The following LRP1B variants were observed in gnomAD, a reference collection of about 807,000 sequenced individuals.
LRP1B encodes LDL receptor related protein 1B.
LRP1B carries 217 observed loss-of-function variants against 556.6 expected under a neutral mutation model. The observed-to-expected ratio is 0.39, with a 90% CI of 0.35 to 0.44. The LOEUF is 0.44. Among genes scored for constraint, LRP1B ranks in the 20% least tolerant of loss-of-function variants. The pLI, the probability that LRP1B is intolerant of heterozygous loss-of-function variation, is 1.00. For missense variants in LRP1B, 5,053 were observed against 5,620.8 expected (o/e 0.90, Z 3.23); for synonymous variants, 2,047 against 1,865.8 (o/e 1.10, Z -2.50).
intron 86 of LRP1B, 33 bp from the exon 87 acceptor site, chr2:140,247,195 C>G (rs2104899433): frequency 4.7e-6 from 7 of 1,479,708 alleles, no homozygotes; most frequent in Non-Finnish European, 6.6e-6. Flanking sequence ...CAAAACAGAT[C>G]AGCGAATAAC....
intron 2 of LRP1B, among the ~76,000 whole-genome samples, chr2:141,606,746 A>G (rs181749338): frequency 6.6e-6 from 1 of 152,148 alleles, no homozygotes; most frequent in Non-Finnish European, 1.5e-5. Flanking sequence ...GGTGAAACCA[A>G]CCCTGCCAAC....
chr2:140,785,738 AACAAAGCC>A (rs1218322831), intron 32 of LRP1B, among the ~76,000 whole-genome samples: 1 of 152,136 alleles, frequency 6.6e-6, no homozygotes, highest in Non-Finnish European at 1.5e-5. Flanking sequence ...ACCTAAATAC[AACAAAGCC>A]ACCTCAACTT....
intron 76 of LRP1B, among the ~76,000 whole-genome samples, chr2:140,352,155 T>C (rs537164253): frequency 6.6e-6 from 1 of 152,160 alleles, no homozygotes; most frequent in Non-Finnish European, 1.5e-5. Context: ...CCCTAGTTTA[T>C]CATTTAATCT....
chr2:140,792,118 T>A (rs1690141943), intron 32 of LRP1B, among the ~76,000 whole-genome samples: 1 of 152,184 alleles, frequency 6.6e-6, no homozygotes, highest in Non-Finnish European at 1.5e-5. Flanking sequence ...CCACTCGCTT[T>A]CCCACAGTGG....
chr2:141,991,954 G>A (rs1430659535), intron 1 of LRP1B, among the ~76,000 whole-genome samples: 1 of 152,004 alleles, frequency 6.6e-6, no homozygotes, highest in Non-Finnish European at 1.5e-5. Flanking sequence ...GTATTCCTGT[G>A]GGACTGGCTC....
At chr2:141,970,787 TAAAG>T (rs1558994718) in intron 1 of LRP1B, among the ~76,000 whole-genome samples, 1 of 151,452 alleles carries the variant, frequency 6.6e-6, no homozygotes, top group Non-Finnish European at 1.5e-5. Context: ...TTCCAAAGGA[TAAAG>T]AAAGAAGAAA....
chr2:140,462,667 T>C (rs1573966282), intron 60 of LRP1B, among the ~76,000 whole-genome samples: 1 of 152,164 alleles, frequency 6.6e-6, no homozygotes, highest in East Asian at 1.9e-4. Flanking sequence ...GGTGAGGTAG[T>C]CCACATAAGT....
rs1553467366 is a variant in LRP1B, at chr2:141,150,869, T to TGTGTG, written c.1013+37551_1013+37552insCACAC. 4.9e-3 allele frequency among the ~76,000 whole-genome samples: 675 copies of TGTGTG among 138,706 alleles called. 4 individuals are homozygous for TGTGTG. The highest frequency in any genetic ancestry group is 0.018 in the East Asian group (86 of 4,764). The allele number at this position is 138,706 out of a possible 152,430, so 91.0% of individuals were successfully genotyped here. ...ATGGCCTTCATATTGTCATGCTGGT[T>TGTGTG]TGTGTGTGTGTGTGTGTGTGTGTGT... On this transcript the variant is annotated intron_variant, in intron 7 of 90. Transcript: ENST00000389484.
chr2:141,779,866 A>G (rs1267616726), intron 2 of LRP1B, among the ~76,000 whole-genome samples: 2 of 151,814 alleles, frequency 1.3e-5, no homozygotes, highest in Non-Finnish European at 2.9e-5. Flanking sequence ...ACTATGCTAC[A>G]TTGCTACCAC....
intron 1 of LRP1B, among the ~76,000 whole-genome samples, chr2:141,955,515 T>C (rs1289719319): frequency 6.6e-6 from 1 of 152,052 alleles, no homozygotes; most frequent in Non-Finnish European, 1.5e-5. Flanking sequence ...CTAGGGATTA[T>C]ATTCAATTTT....
At chr2:140,704,544 T>C (rs1004076224) in intron 37 of LRP1B, among the ~76,000 whole-genome samples, 4 of 152,190 alleles carry the variant, frequency 2.6e-5, no homozygotes, top group Non-Finnish European at 5.9e-5. Flanking sequence ...TTTAAAAATC[T>C]ACACCTTTAT....
At chr2:141,213,047 G>C (rs918207913) in intron 6 of LRP1B, among the ~76,000 whole-genome samples, 2 of 151,902 alleles carry the variant, frequency 1.3e-5, no homozygotes, top group Admixed American at 6.6e-5. Context: ...GCTCACTGCA[G>C]CCTCAACATC....
chr2:140,319,052 G>A (rs1016491942), intron 82 of LRP1B, among the ~76,000 whole-genome samples: 9 of 151,978 alleles, frequency 5.9e-5, no homozygotes, highest in South Asian at 2.1e-4. Flanking sequence ...GGTAGACTTC[G>A]GCCTAATCTA....
chr2:141,307,376 TTTTTACTG>T (rs1686629676), intron 3 of LRP1B, among the ~76,000 whole-genome samples: 3 of 152,182 alleles, frequency 2.0e-5, no homozygotes, highest in Non-Finnish European at 4.4e-5. Flanking sequence ...TCTTTGTCTC[TTTTTACTG>T]TTTTGGACTC....
intron 2 of LRP1B, among the ~76,000 whole-genome samples, chr2:141,616,940 T>A (rs1218194316): frequency 6.6e-6 from 1 of 152,196 alleles, no homozygotes; most frequent in Admixed American, 6.5e-5. Context: ...AAATCATCAT[T>A]CAAAGAGCAG....
chr2:142,007,962 T>A (rs1702849313), intron 1 of LRP1B, among the ~76,000 whole-genome samples: 1 of 152,194 alleles, frequency 6.6e-6, no homozygotes. Context: ...CAGAGTCACC[T>A]ACACCCTAGT....
chr2:140,465,450 G>C (rs1055319819), intron 60 of LRP1B, among the ~76,000 whole-genome samples: 2 of 152,136 alleles, frequency 1.3e-5, no homozygotes, highest in African/African-American at 4.8e-5. Flanking sequence ...CCAAATTCCC[G>C]TTAAGAAATG....
intron 29 of LRP1B, among the ~76,000 whole-genome samples, chr2:140,844,757 G>C (rs1559152598): frequency 6.6e-6 from 1 of 152,084 alleles, no homozygotes; most frequent in African/African-American, 2.4e-5. Flanking sequence ...CCACAACACT[G>C]ATGCATGAAA....
At chr2:140,793,868 C>T (rs1690208067) in intron 32 of LRP1B, among the ~76,000 whole-genome samples, 2 of 151,912 alleles carry the variant, frequency 1.3e-5, no homozygotes, top group South Asian at 2.1e-4. Context: ...AAGTGAGTAT[C>T]GTCCTATAAT....
Sources: allele counts gnomAD v4.1 joint callset (sites outside exome capture counted in the v4.1 genomes callset), GRCh38; gene constraint gnomAD v4.1.1; transcripts MANE v1.5; gene names NCBI Gene and HGNC (gene_info 2026-07-23, HGNC 2026-07-21).